DNAH2: variants seen among roughly 807,000 people sequenced by gnomAD.
DNAH2 encodes the protein axonemal beta dynein heavy chain 2.
DNAH2 carries 323 observed loss-of-function variants against 523.5 expected under a neutral mutation model. That is an observed-to-expected ratio of 0.62 (90% confidence interval 0.56 to 0.68). The LOEUF (loss-of-function observed/expected upper bound fraction) is 0.68. DNAH2 is among the 30% of genes least tolerant of loss of function. The pLI, the probability that DNAH2 is intolerant of heterozygous loss-of-function variation, is 0.00. For synonymous variants in DNAH2, 2,093 were observed against 2,177.4 expected (o/e 0.96, Z 1.08); for missense variants, 4,907 against 5,701.5 (o/e 0.86, Z 4.49).
At chr17:7,736,980 C>A in intron 7 of DNAH2, 87 bp from the exon 8 acceptor site, 1 of 1,164,692 alleles carries the variant, frequency 8.6e-7, no homozygotes, top group Non-Finnish European at 1.2e-6. Context: ...AAAACTCCAT[C>A]TAAAATAAAT....
rs547133788 is a variant in DNAH2 at position 7,718,000 on chromosome 17, G to A, written c.-814G>A. The A allele has an allele frequency of 6.6e-6, 1 of 151,338 alleles. No individual in the cohort carries two copies. The highest frequency in any genetic ancestry group is 2.4e-5 in the African/African-American group (1 of 41,092). The allele number at this position is 151,338 out of a possible 1,614,324, so 9.4% of individuals were successfully genotyped here. A position where few individuals can be genotyped will look rare whatever the true frequency, so the allele number is the denominator to read the frequency against. On this transcript the variant is annotated 5_prime_UTR_variant, in exon 1 of 86. Transcript: ENST00000572933. ...AGGAGAAGGGGCAGTTGTGACAGCT[G>A]GGGGGGAAGAGCCATTCTGAGGGGA...
intron 59 of DNAH2, 30 bp downstream of exon 59, chr17:7,804,496 C>G: frequency 4.4e-6 from 7 of 1,607,668 alleles, no homozygotes; most frequent in Non-Finnish European, 5.9e-6. Context: ...CCCCCGTGCC[C>G]CACTCCCACC....
chr17:7,740,058 C>T (rs1283887033), intron 9 of DNAH2, 120 bp downstream of exon 9: 7 of 296,130 alleles, frequency 2.4e-5, no homozygotes, highest in East Asian at 1.3e-4. Context: ...GGGATCAGGG[C>T]GGTGGCCCGG....
In DNAH2 at chr17:7,776,050, C is replaced by T. The variant is rs147185632; in HGVS notation, c.4848C>T (p.Thr1616=). ...CCTGGCTTGGCGATGTGGAACAGAC[C>T]ATGAGGGTGACCCTGCGGGACCTTC... ...VESWLGDVEQ[T]MRVTLRDLLR... is the part of the protein sequence containing the mutation. The change falls in exon 31 of 86, where the codon ACC becomes ACT. Residue 1616 remains threonine (T), a synonymous_variant. Coordinates refer to ENST00000572933, the MANE Select transcript of DNAH2 (RefSeq NM_020877.5). The T allele has an allele frequency of 1.4e-5, 23 of 1,614,092 alleles. No individual in the cohort carries two copies. The highest frequency in any genetic ancestry group is 1.9e-5 in the Non-Finnish European group (23 of 1,179,952).
In DNAH2 at chr17:7,796,489, G is replaced by A. The variant is rs2077066837; in HGVS notation, c.7700G>A (p.Gly2567Asp). 6.2e-7 allele frequency: 1 copy of A among 1,613,564 alleles called. No homozygotes were observed. The highest frequency in any genetic ancestry group is 1.3e-5 in the African/African-American group (1 of 74,744). Residue 2567 changes from glycine to aspartate, a missense_variant, in exon 50 of 86, where the codon GGC becomes GAC. Gly to Asp is a moderately conservative substitution (Grantham distance 94). This residue lies in a region of DNAH2 where 250 missense variants were observed against 371.3 expected (regional missense o/e 0.67). Coordinates refer to ENST00000572933, the MANE Select transcript of DNAH2 (RefSeq NM_020877.5). ...PTKSQIIRIFGTMINQKLQDF... is the reference protein window; with the variant it reads ...PTKSQIIRIFDTMINQKLQDF... ...AAGTCCCAGATCATCCGCATATTCG[G>A]CACCATGATCAATCAGAAGCTTCAG...
rs763080669 is a variant in DNAH2 at position 7,776,866 on chromosome 17, C to G, written c.5035C>G (p.Leu1679Val). 1.9e-6 allele frequency: 3 copies of G among 1,611,604 alleles called. No individual in the cohort carries two copies. The highest frequency in any genetic ancestry group is 2.2e-5 in the South Asian group (2 of 90,978). ...TAKERADKKI[L>V]KVMKKNQVSI... ...GAAGGAGCGGGCAGACAAGAAAATC[C>G]TCAAGGTCATGAAGAAGAACCAGGT... Residue 1679 changes from leucine (L) to valine (V), a missense_variant, in exon 32 of 86, where the codon CTC becomes GTC. Leu to Val is a conservative substitution (Grantham distance 32). Around this residue, in one of 3 missense-constraint regions of DNAH2, gnomAD observed 2,806 missense variants for 3,190.8 expected, o/e 0.88. Coordinates refer to ENST00000572933, the MANE Select transcript of DNAH2 (RefSeq NM_020877.5).
intron 31 of DNAH2, 44 bp downstream of exon 31, chr17:7,776,193 C>G: frequency 5.0e-6 from 8 of 1,599,532 alleles, no homozygotes; most frequent in African/African-American, 1.3e-5. Context: ...GGGCTGGGCA[C>G]GGTGGCTCAC....
Position 7,798,007 on chromosome 17 carries a change from A to T in DNAH2, c.8231-150A>T. ...AGAGAAGGTGGAGGTTAAAAGTTGA[A>T]TTGCCTCCTGGGCCTTGGGCACCAA... On this transcript the variant is annotated intron_variant, in intron 53 of 85. Transcript: ENST00000572933. This position sits in a 1 kb window ranked among gnomAD's most constrained non-coding sequence, Gnocchi z 5.5. The T allele has an allele frequency of 2.2e-6, 3 of 1,350,340 alleles. No homozygotes were observed. The highest frequency in any genetic ancestry group is 3.0e-6 in the Non-Finnish European group (3 of 997,158). 83.6% of individuals were successfully genotyped at this position (1,350,340 alleles called of 1,614,324 possible). A position where few individuals can be genotyped will look rare whatever the true frequency, so the allele number is the denominator to read the frequency against.
At chr17:7,749,306 CCCAAAAAAAAAAAAA>C (rs2075607547) in intron 12 of DNAH2, among the ~76,000 whole-genome samples, 10 of 3,506 alleles carry the variant, frequency 2.9e-3, no homozygotes, top group Non-Finnish European at 4.0e-3. Context: ...TAAACTCCCC[CCCAAAAAAAAAAAAA>C]AAAAAAAAAA....
At chr17:7,741,066 G>C in intron 11 of DNAH2, 74 bp downstream of exon 11, 1 of 1,517,348 alleles carries the variant, frequency 6.6e-7, no homozygotes, top group South Asian at 1.3e-5. Flanking sequence ...CTCCTGAGAG[G>C]TTCCCCAAAG....
At chr17:7,792,948 G>C (rs754141052) in intron 47 of DNAH2, 33 bp from the exon 48 acceptor site, 1 of 1,600,920 alleles carries the variant, frequency 6.2e-7, no homozygotes, top group South Asian at 1.1e-5. Context: ...TCTCTCAGGG[G>C]ACCCACACAT....
At chr17:7,719,978 C>G (rs1597441389) in intron 2 of DNAH2, 78 bp downstream of exon 2, 6 of 1,418,554 alleles carry the variant, frequency 4.2e-6, no homozygotes, top group Non-Finnish European at 4.6e-6. Flanking sequence ...CATTTTAGGG[C>G]TGGGGAGCAG....
chr17:7,743,265 T>C lies in DNAH2; in HGVS notation c.1904+123T>C, dbSNP rs73248544. ...TCTCTTTCTCATACAATATGTTTGC[T>C]ATCGTCATTTTACTTTTTTTTTTCT... On this transcript the variant is annotated intron_variant, in intron 12 of 85. Transcript: ENST00000572933. 2.9e-3 allele frequency: 3,183 copies of C among 1,096,568 alleles called. 84 individuals are homozygous for C. In the African/African-American group the frequency reaches 0.043, roughly 15 times the overall value. 67.9% of individuals were successfully genotyped at this position (1,096,568 alleles called of 1,614,324 possible). A position where few individuals can be genotyped will look rare whatever the true frequency, so the allele number is the denominator to read the frequency against.
Position 7,775,931 on chromosome 17 carries a change from C to A in DNAH2, c.4822-93C>A, listed in dbSNP as rs889688446. 24 of 1,532,772 alleles carry A rather than the reference C, an allele frequency of 1.6e-5. No homozygotes were observed. The African/African-American group carries it at 2.7e-4, about 17-fold the overall frequency. The allele number at this position is 1,532,772 out of a possible 1,614,324, so 94.9% of individuals were successfully genotyped here. A position where few individuals can be genotyped will look rare whatever the true frequency, so the allele number is the denominator to read the frequency against. On this transcript the variant is annotated intron_variant, in intron 30 of 85. Transcript: ENST00000572933. ...TTCCCGCTTTTCTCTGGGTACAAAG[C>A]CCTGAAGTGCTGCTCCATAAGTGCC...
Position 7,780,021 on chromosome 17 carries a change from T to A in DNAH2, c.5723-136T>A. 1.7e-6 allele frequency: 2 copies of A among 1,147,780 alleles called. No homozygotes were observed. The highest frequency in any genetic ancestry group is 3.0e-5 in the South Asian group (2 of 65,642). The allele number at this position is 1,147,780 out of a possible 1,614,324, so 71.1% of individuals were successfully genotyped here. A position where few individuals can be genotyped will look rare whatever the true frequency, so the allele number is the denominator to read the frequency against. On this transcript the variant is annotated intron_variant, in intron 36 of 85. Transcript: ENST00000572933. This position sits in a 1 kb window ranked among gnomAD's most constrained non-coding sequence, Gnocchi z 4.4. ...GGGCTGGGGCTGAGATGAGAAAGGATGTGGTCTTGGAGTTGGAGAGAAAGT... is the reference window on the plus strand; with the variant it reads ...GGGCTGGGGCTGAGATGAGAAAGGAAGTGGTCTTGGAGTTGGAGAGAAAGT...
intron 12 of DNAH2, among the ~76,000 whole-genome samples, chr17:7,747,836 A>G (rs1046020457): frequency 1.5e-4 from 23 of 152,184 alleles, no homozygotes; most frequent in African/African-American, 5.5e-4. Context: ...ATGGAAGGGA[A>G]AGAACACGAT....
chr17:7,752,482 G>A (rs759599397), intron 12 of DNAH2, among the ~76,000 whole-genome samples: 11 of 152,180 alleles, frequency 7.2e-5, no homozygotes, highest in East Asian at 5.8e-4. Context: ...AGGCCGAGGC[G>A]GGCGGATCAC....
At chr17:7,726,307 ATTT>A (rs35883055) in intron 3 of DNAH2, among the ~76,000 whole-genome samples, 2 of 143,314 alleles carry the variant, frequency 1.4e-5, no homozygotes, top group South Asian at 2.3e-4. Flanking sequence ...TACCCAGCTA[ATTT>A]TTTTTTTTTT....
At chr17:7,817,888 C>CA (rs1355374673) in intron 67 of DNAH2, 32 bp downstream of exon 67, 2 of 1,614,028 alleles carry the variant, frequency 1.2e-6, no homozygotes, top group South Asian at 2.2e-5. Flanking sequence ...TTAGCCCCCC[C>CA]CTTCCTGAGG....
Sources: gnomAD v4.1 joint callset for allele counts (sites outside exome capture counted in the v4.1 genomes callset) on GRCh38, gnomAD v4.1.1 for gene constraint, gnomAD v4.1.1 regional missense constraint, Gnocchi (gnomAD v3.1) non-coding constraint, MANE v1.5 for transcripts, NCBI Gene and HGNC (gene_info 2026-07-23, HGNC 2026-07-21) for gene names.